Variants in SNX24 observed in about 807,000 individuals in gnomAD.
SNX24 encodes sorting nexin 24, also known as sorting nexin-24.
Under a neutral mutation model 28.7 loss-of-function variants are expected in SNX24, and 22 were observed. That is an observed-to-expected ratio of 0.77 (90% CI 0.55 to 1.10). SNX24 has a LOEUF of 1.10. Among genes scored for constraint, SNX24 ranks in the 50% least tolerant of loss-of-function variants. SNX24 has a pLI of 0.00. For missense variants in SNX24, 221 were observed against 201.1 expected, an observed-to-expected ratio of 1.10 and a Z score of -0.60; for synonymous variants, 69 against 71.5, an observed-to-expected ratio of 0.96 and a Z score of 0.18.
intron 2 of SNX24, 67 bp downstream of exon 2, chr5:122,936,884 C>T (rs749454408): frequency 1.0e-5 from 9 of 895,376 alleles, no homozygotes; most frequent in Non-Finnish European, 1.3e-5. Flanking sequence ...ACTAACACTC[C>T]TTTCTGTGGT....
intron 1 of SNX24, among the ~76,000 whole-genome samples, chr5:122,851,081 C>T (rs1208533340): frequency 6.6e-6 from 1 of 152,188 alleles, no homozygotes; most frequent in African/African-American, 2.4e-5. Context: ...TTTTAAGATA[C>T]ATTGTTGACA....
At chr5:122,965,554 A>T in intron 3 of SNX24, 1 of 432,406 alleles carries the variant, frequency 2.3e-6, no homozygotes, top group South Asian at 1.6e-5. Context: ...TATAAGAGAA[A>T]TTGCCACTTA....
At chr5:122,987,461 T>TGAG (rs1407229691) in intron 3 of SNX24, among the ~76,000 whole-genome samples, 2 of 152,202 alleles carry the variant, frequency 1.3e-5, no homozygotes, top group Non-Finnish European at 2.9e-5. Context: ...GACAATATTT[T>TGAG]GAGGATAAGA....
intron 5 of SNX24, chr5:123,022,345 C>G (rs565139284): frequency 6.6e-6 from 1 of 152,296 alleles, no homozygotes; most frequent in African/African-American, 2.4e-5. Context: ...TGCTTGAGTC[C>G]TGGAGGAGAA....
intron 1 of SNX24, among the ~76,000 whole-genome samples, chr5:122,885,830 G>A (rs992171268): frequency 6.6e-6 from 1 of 152,180 alleles, no homozygotes; most frequent in Non-Finnish European, 1.5e-5. Flanking sequence ...ATGGACAGGT[G>A]GTCGGGGGAG....
chr5:122,961,481 C>T (rs941292759), intron 3 of SNX24, among the ~76,000 whole-genome samples: 1 of 152,096 alleles, frequency 6.6e-6, no homozygotes, highest in Non-Finnish European at 1.5e-5. Context: ...GTTCTTTGTT[C>T]TTGTTAAAGA....
chr5:122,945,265 C>G (rs1377364023), intron 2 of SNX24, among the ~76,000 whole-genome samples: 3 of 152,138 alleles, frequency 2.0e-5, no homozygotes, highest in Non-Finnish European at 2.9e-5. Flanking sequence ...ACATTGAGCC[C>G]ACCCCAATAA....
intron 1 of SNX24, among the ~76,000 whole-genome samples, chr5:122,928,757 T>C (rs1758818350): frequency 2.6e-5 from 4 of 151,860 alleles, no homozygotes; most frequent in Admixed American, 1.3e-4. Flanking sequence ...CCAAGCCCAT[T>C]GGACTTCTGA....
At chr5:122,924,525 A>G (rs1758591842) in intron 1 of SNX24, among the ~76,000 whole-genome samples, 1 of 152,174 alleles carries the variant, frequency 6.6e-6, no homozygotes, top group African/African-American at 2.4e-5. Context: ...TACAGTGTGC[A>G]ATTTAAAACC....
intron 1 of SNX24, among the ~76,000 whole-genome samples, chr5:122,857,544 A>G (rs1012206693): frequency 2.0e-5 from 3 of 151,470 alleles, no homozygotes; most frequent in African/African-American, 4.9e-5. Flanking sequence ...ACTTTTTCTG[A>G]TCCTCTTTCT....
Position 122,944,730 on chromosome 5 carries a change from C to T in SNX24, c.145-1325C>T, listed in dbSNP as rs1424891541. The stretch of plus-strand genomic sequence containing the variant: ...CTAGCCAGTACATGGGCCCCTTCTT[C>T]GTGATGTACAACAAATTTCAGCCTA... On this transcript the variant is annotated intron_variant, in intron 2 of 6. Coordinates refer to ENST00000261369, the MANE Select transcript of SNX24 (RefSeq NM_014035.4). 5.3e-5 allele frequency among the ~76,000 whole-genome samples: 8 copies of T among 152,108 alleles called. No individual in the cohort carries two copies. The East Asian group carries it at 1.2e-3, about 22-fold the overall frequency.
intron 5 of SNX24, among the ~76,000 whole-genome samples, chr5:123,015,649 A>G (rs1049673201): frequency 6.6e-6 from 1 of 152,186 alleles, no homozygotes; most frequent in African/African-American, 2.4e-5. Context: ...AGAGCTGACT[A>G]GCCCTCCGGG....
Position 123,001,955 on chromosome 5 carries a change from GCCTGTGCTGCTGTTCCT to G in SNX24, c.395_411del (p.Pro132GlnfsTer18), listed in dbSNP as rs1311993293. The G allele has an allele frequency of 3.1e-6, 5 of 1,614,152 alleles. No individual in the cohort carries two copies. The highest frequency in any genetic ancestry group is 4.2e-6 in the Non-Finnish European group (5 of 1,180,010). On this transcript the variant is annotated frameshift_variant, in exon 6 of 7. Coordinates refer to ENST00000261369, the MANE Select transcript of SNX24 (RefSeq NM_014035.4). LOFTEE classifies it high-confidence loss of function. ...ACCTTTCCAGCAAACTGTCCCACCA[GCCTGTGCTGCTGTTCCT>G]CAGGGATCCATATGTCTTGCCTGCA...
At chr5:122,947,686 A>G (rs1167070095) in intron 3 of SNX24, among the ~76,000 whole-genome samples, 2 of 152,176 alleles carry the variant, frequency 1.3e-5, no homozygotes, top group African/African-American at 4.8e-5. Flanking sequence ...AGAGCAAAAA[A>G]CAAACCCCTC....
At chr5:122,879,408 TG>T (rs1337137842) in intron 1 of SNX24, among the ~76,000 whole-genome samples, 4 of 152,226 alleles carry the variant, frequency 2.6e-5, no homozygotes, top group Non-Finnish European at 5.9e-5. Flanking sequence ...CACTATTTTT[TG>T]TCTACACTGT....
At chr5:122,945,130 T>G (rs561875441) in intron 2 of SNX24, among the ~76,000 whole-genome samples, 37 of 152,300 alleles carry the variant, frequency 2.4e-4, no homozygotes, top group African/African-American at 8.7e-4. Context: ...AACCATTCTT[T>G]CCAGCTTCTA....
chr5:123,020,421 ACTT>A (rs1239509405), intron 5 of SNX24, among the ~76,000 whole-genome samples: 4 of 152,216 alleles, frequency 2.6e-5, no homozygotes, highest in Non-Finnish European at 5.9e-5. Context: ...TGCATATAGA[ACTT>A]CTGCTTTTTC....
At position 122,880,837 on chromosome 5, in the gene SNX24, A is replaced by G. The variant is rs369253450; in HGVS notation, c.60+35144A>G. ...ATCTGGGAACTCTGCACAATTCTGT[A>G]AACTAACCACAACCAGCATCAGAGA... On this transcript the variant is annotated intron_variant, in intron 1 of 6. Coordinates refer to ENST00000261369, the MANE Select transcript of SNX24 (RefSeq NM_014035.4). Among the ~76,000 whole-genome samples, 16 of 152,318 alleles carry G rather than the reference A, an allele frequency of 1.1e-4. 2 individuals are homozygous for G. Among genetic ancestry groups the G allele is most frequent in the East Asian group, 3.9e-4 (2 of 5,192 alleles).
At chr5:122,847,502 C>CTCTTTTT (rs1554065805) in intron 1 of SNX24, among the ~76,000 whole-genome samples, 8 of 130,798 alleles carry the variant, frequency 6.1e-5, no homozygotes, top group African/African-American at 1.8e-4. Context: ...CTCTCTCTCT[C>CTCTTTTT]TTTTTTTTTT....
Sources: allele counts gnomAD v4.1 joint callset (sites outside exome capture counted in the v4.1 genomes callset), GRCh38; gene constraint gnomAD v4.1.1; transcripts MANE v1.5; gene names NCBI Gene and HGNC (gene_info 2026-07-23, HGNC 2026-07-21).